ZSCAN5A: variants seen among roughly 807,000 people sequenced by gnomAD.
The protein encoded by ZSCAN5A is zinc finger and SCAN domain-containing protein 5A.
A neutral mutation model predicts 23.7 loss-of-function variants in ZSCAN5A; 12 were observed. The observed-to-expected ratio is 0.51, with a 90% confidence interval of 0.32 to 0.82. The LOEUF (loss-of-function observed/expected upper bound fraction) is 0.82. Ranked by LOEUF, ZSCAN5A falls within the 40% of genes least tolerant of loss-of-function variation. The pLI is 0.03. For synonymous variants in ZSCAN5A, 257 were observed against 239.9 expected, an observed-to-expected ratio of 1.07 and a Z score of -0.66; for missense variants, 597 against 617.9, an observed-to-expected ratio of 0.97 and a Z score of 0.36.
intron 2 of ZSCAN5A, among the ~76,000 whole-genome samples, chr19:56,239,461 G>A (rs73934788): frequency 0.024 from 3,658 of 152,220 alleles, 163 homozygotes; most frequent in African/African-American, 0.084. Context: ...CTCAGTCAGG[G>A]GGCTGAGAAC....
intron 2 of ZSCAN5A, among the ~76,000 whole-genome samples, chr19:56,295,464 G>A (rs1354854264): frequency 6.6e-6 from 1 of 151,968 alleles, no homozygotes; most frequent in East Asian, 1.9e-4. Flanking sequence ...GTGTGGTTGC[G>A]GGTGCCTGTG....
intron 2 of ZSCAN5A, chr19:56,301,824 T>C (rs8106406): frequency 0.06 from 53,446 of 897,786 alleles, 4,212 homozygotes; most frequent in African/African-American, 0.34. Context: ...CTGGCAGTGA[T>C]GGTGGGTGTG....
chr19:56,240,291 G>A (rs1453659698), intron 2 of ZSCAN5A, among the ~76,000 whole-genome samples: 1 of 152,136 alleles, frequency 6.6e-6, no homozygotes, highest in African/African-American at 2.4e-5. Flanking sequence ...GAAAACCTAT[G>A]TTATTTGCAC....
intron 2 of ZSCAN5A, among the ~76,000 whole-genome samples, chr19:56,308,836 G>A (rs966195905): frequency 3.4e-4 from 52 of 152,244 alleles, no homozygotes; most frequent in African/African-American, 1.1e-3. Flanking sequence ...GGTGTTGAAC[G>A]GTTTCTCAGG....
intron 2 of ZSCAN5A, chr19:56,321,691 G>C: frequency 1.4e-6 from 2 of 1,383,924 alleles, no homozygotes; most frequent in South Asian, 1.2e-5. Context: ...TGTCCTTCTG[G>C]AGCATTGGGA....
At chr19:56,299,307 A>T (rs1032702579) in intron 2 of ZSCAN5A, among the ~76,000 whole-genome samples, 4 of 151,674 alleles carry the variant, frequency 2.6e-5, no homozygotes, top group African/African-American at 9.7e-5. Context: ...AATTTATTAA[A>T]TTTTTTGTAG....
intron 2 of ZSCAN5A, chr19:56,247,082 G>A: frequency 1.4e-6 from 1 of 729,458 alleles, no homozygotes; most frequent in South Asian, 1.6e-5. Context: ...TGCAATAAGA[G>A]GTTTACGTGT....
At chr19:56,260,214 CTTTTTTTT>C (rs398041088) in intron 2 of ZSCAN5A, among the ~76,000 whole-genome samples, 1 of 127,870 alleles carries the variant, frequency 7.8e-6, no homozygotes, top group Non-Finnish European at 1.6e-5. Context: ...TATTTTTTTA[CTTTTTTTT>C]TTTTTTTTTT....
rs944288164 is a variant in ZSCAN5A at position 56,248,527 on chromosome 19, A to G, written c.-127-23354T>C. ...GCCTGCCTCGGCCCCCCAAAGTGCTATTACGGGTGTGAGCCACTGCATCCT... is the reference window on the plus strand; with the variant it reads ...GCCTGCCTCGGCCCCCCAAAGTGCTGTTACGGGTGTGAGCCACTGCATCCT... On this transcript the variant is annotated intron_variant, in intron 2 of 5. Transcript: ENST00000683990. 6.6e-5 allele frequency among the ~76,000 whole-genome samples: 10 copies of G among 152,182 alleles called. No individual in the cohort carries two copies. The South Asian group carries it at 2.1e-3, about 32-fold the overall frequency.
chr19:56,232,252 A>G (rs2034536699), intron 2 of ZSCAN5A, among the ~76,000 whole-genome samples: 1 of 151,948 alleles, frequency 6.6e-6, no homozygotes, highest in Admixed American at 6.6e-5. Context: ...CTGAGATTAC[A>G]TGTGTCAGCC....
At chr19:56,259,494 G>A (rs887025684) in intron 2 of ZSCAN5A, among the ~76,000 whole-genome samples, 2 of 152,138 alleles carry the variant, frequency 1.3e-5, no homozygotes, top group Admixed American at 1.3e-4. Flanking sequence ...TCGTTTACCC[G>A]TTCTGTCCTC....
intron 2 of ZSCAN5A, among the ~76,000 whole-genome samples, chr19:56,303,611 C>T (rs1309138842): frequency 2.6e-5 from 4 of 152,008 alleles, no homozygotes; most frequent in African/African-American, 9.7e-5. Context: ...TTCAAATATT[C>T]ACGTGTGTAG....
At chr19:56,325,222 C>T (rs1463409619) in intron 2 of ZSCAN5A, among the ~76,000 whole-genome samples, 3 of 152,280 alleles carry the variant, frequency 2.0e-5, no homozygotes, top group East Asian at 3.9e-4. Context: ...ATCTACATTG[C>T]CATTTACGTG....
chr19:56,332,645 G>C (rs368972742), intron 2 of ZSCAN5A, among the ~76,000 whole-genome samples: 4 of 152,286 alleles, frequency 2.6e-5, no homozygotes, highest in Admixed American at 6.5e-5. Context: ...AAGGCATTTA[G>C]GCCATTTATA....
At chr19:56,260,214 CTTTTTTTTT>C in intron 2 of ZSCAN5A, among the ~76,000 whole-genome samples, 1 of 127,872 alleles carries the variant, frequency 7.8e-6, no homozygotes, top group South Asian at 2.5e-4. Flanking sequence ...TATTTTTTTA[CTTTTTTTTT>C]TTTTTTTTTG....
At chr19:56,253,034 T>TG (rs1263172634) in intron 2 of ZSCAN5A, among the ~76,000 whole-genome samples, 1 of 152,186 alleles carries the variant, frequency 6.6e-6, no homozygotes, top group South Asian at 2.1e-4. Flanking sequence ...CCTGCAAAGT[T>TG]GCCAGGACAG....
intron 2 of ZSCAN5A, among the ~76,000 whole-genome samples, chr19:56,228,833 T>C (rs995294361): frequency 3.2e-4 from 48 of 152,338 alleles, no homozygotes; most frequent in African/African-American, 9.6e-4. Context: ...AAAAGAATAT[T>C]GGAGTTGACA....
chr19:56,341,339 A>G (rs2041590448), intron 2 of ZSCAN5A: 1 of 152,228 alleles, frequency 6.6e-6, no homozygotes. Context: ...AACACATTTC[A>G]GGATATTATC....
intron 2 of ZSCAN5A, among the ~76,000 whole-genome samples, chr19:56,333,517 T>C (rs2041508043): frequency 6.6e-6 from 1 of 152,098 alleles, no homozygotes. Context: ...CTTTTTGACA[T>C]GTTTATCTCT....
Sources: allele counts gnomAD v4.1 joint callset (sites outside exome capture counted in the v4.1 genomes callset), GRCh38; gene constraint gnomAD v4.1.1; transcripts MANE v1.5; gene names NCBI Gene and HGNC (gene_info 2026-07-23, HGNC 2026-07-21).